LRRC37A2: variants seen among roughly 807,000 people sequenced by gnomAD.
The protein encoded by LRRC37A2 is leucine rich repeat containing 37 member A2.
LRRC37A2 carries 9 observed loss-of-function variants against 68.8 expected under a neutral mutation model. The observed-to-expected ratio is 0.13, with a 90% CI of 0.08 to 0.23. The LOEUF is 0.23. LRRC37A2 is among the 10% of genes least tolerant of loss of function. The pLI is 1.00. For missense variants in LRRC37A2, 168 were observed against 950.4 expected (o/e 0.18, Z 10.82); for synonymous variants, 63 against 367.6 (o/e 0.17, Z 9.48).
the LRRC37A2 span, among the ~76,000 whole-genome samples, chr17:46,656,958 C>CAAA: frequency 4.7e-4 from 1 of 2,146 alleles, no homozygotes; most frequent in African/African-American, 5.2e-4. Flanking sequence ...TACATAGAAC[C>CAAA]AAAAAAAAAA....
At chr17:46,855,879 A>G in the LRRC37A2 span, among the ~76,000 whole-genome samples, 1 of 152,032 alleles carries the variant, frequency 6.6e-6, no homozygotes, top group Non-Finnish European at 1.5e-5. Flanking sequence ...TTGTATTTTT[A>G]GTAGAGACCA....
chr17:46,588,735 T>C, the LRRC37A2 span, among the ~76,000 whole-genome samples: 4 of 59,968 alleles, frequency 6.7e-5, 2 homozygotes, highest in African/African-American at 2.9e-4. Context: ...TATTTAATTA[T>C]ACCTCTCACT....
the LRRC37A2 span, among the ~76,000 whole-genome samples, chr17:46,902,799 T>C: frequency 6.6e-6 from 1 of 152,154 alleles, no homozygotes; most frequent in Admixed American, 6.5e-5. Context: ...TTTGATCAGA[T>C]ACCCGTTCTC....
the LRRC37A2 span, among the ~76,000 whole-genome samples, chr17:46,788,582 AT>A: frequency 1.3e-5 from 2 of 152,108 alleles, no homozygotes; most frequent in Non-Finnish European, 2.9e-5. Flanking sequence ...CCCTCTGGCC[AT>A]TTCCCCAGCT....
the LRRC37A2 span, among the ~76,000 whole-genome samples, chr17:46,816,555 C>A: frequency 3.9e-5 from 6 of 151,938 alleles, no homozygotes; most frequent in Admixed American, 1.3e-4. Flanking sequence ...TTCCTGTCCC[C>A]CACCAAATTC....
the LRRC37A2 span, chr17:46,931,581 A>G: frequency 6.3e-6 from 2 of 317,958 alleles, no homozygotes; most frequent in Non-Finnish European, 1.2e-5. Context: ...CACTTCAATC[A>G]GTCCACCCAT....
the LRRC37A2 span, chr17:46,932,699 C>G: frequency 4.7e-6 from 1 of 214,722 alleles, no homozygotes; most frequent in African/African-American, 2.3e-5. Context: ...GTTAGATGGA[C>G]TGCTTGCCTG....
the LRRC37A2 span, chr17:46,929,794 C>CTA: frequency 1.8e-6 from 1 of 550,480 alleles, no homozygotes; most frequent in Admixed American, 3.0e-5. Flanking sequence ...CCCCATTACC[C>CTA]CTCCACTCAA....
chr17:46,835,125 GCTGGCA>G, the LRRC37A2 span, among the ~76,000 whole-genome samples: 1 of 152,296 alleles, frequency 6.6e-6, no homozygotes, highest in South Asian at 2.1e-4. Context: ...CTCCTGAGTA[GCTGGCA>G]CTACAGGAAC....
the LRRC37A2 span, chr17:46,714,063 C>G: frequency 3.5e-6 from 5 of 1,418,980 alleles, no homozygotes; most frequent in South Asian, 7.4e-5. Context: ...TGCCTTTGTA[C>G]ATGTATACAT....
the LRRC37A2 span, chr17:46,938,927 G>T: frequency 6.6e-7 from 1 of 1,509,580 alleles, no homozygotes; most frequent in South Asian, 1.2e-5. Context: ...TCTGTTTTCT[G>T]TGACATCTTG....
chr17:46,810,053 C>T, the LRRC37A2 span, among the ~76,000 whole-genome samples: 1 of 142,566 alleles, frequency 7.0e-6, no homozygotes, highest in Non-Finnish European at 1.5e-5. Flanking sequence ...GTTGCCCAGG[C>T]TGGAAGGCAG....
the LRRC37A2 span, chr17:46,938,962 T>C: frequency 6.9e-7 from 1 of 1,456,460 alleles, no homozygotes; most frequent in Non-Finnish European, 9.1e-7. Flanking sequence ...GCCACCACCA[T>C]GCGCGGTGCT....
the LRRC37A2 span, among the ~76,000 whole-genome samples, chr17:46,873,444 C>T: frequency 6.6e-6 from 1 of 152,070 alleles, no homozygotes; most frequent in Non-Finnish European, 1.5e-5. Context: ...CCATGTGACT[C>T]CCTTGCCAAG....
chr17:46,773,622 C>A, the LRRC37A2 span: 1 of 506,088 alleles, frequency 2.0e-6, no homozygotes, highest in Non-Finnish European at 3.7e-6. Flanking sequence ...GTCCTGATCC[C>A]TCCCCCCACC....
At chr17:46,894,933 C>T in the LRRC37A2 span, among the ~76,000 whole-genome samples, 1 of 152,238 alleles carries the variant, frequency 6.6e-6, no homozygotes, top group Non-Finnish European at 1.5e-5. Context: ...GGGTCATTAG[C>T]GGGGCCTCCC....
the LRRC37A2 span, chr17:46,768,915 G>A: frequency 6.9e-7 from 1 of 1,457,274 alleles, no homozygotes; most frequent in African/African-American, 1.4e-5. The surrounding 1 kb of genome is among the most constrained non-coding windows in gnomAD (Gnocchi z 5.0). Context: ...ACTCCTCTGT[G>A]ACAGGAAGAG....
the LRRC37A2 span, among the ~76,000 whole-genome samples, chr17:46,869,975 G>A: frequency 1.3e-3 from 200 of 151,758 alleles, 4 homozygotes; most frequent in Middle Eastern, 0.017. Context: ...CTCTAGCCTG[G>A]ACCACATAGC....
At chr17:46,911,310 C>T in the LRRC37A2 span, 1 of 152,166 alleles carries the variant, frequency 6.6e-6, no homozygotes, top group Non-Finnish European at 1.5e-5. Flanking sequence ...TCTTAATGGT[C>T]CAGGAAAATG....
Sources: allele counts gnomAD v4.1 joint callset (sites outside exome capture counted in the v4.1 genomes callset), GRCh38; gene constraint gnomAD v4.1.1; non-coding constraint Gnocchi (gnomAD v3.1); transcripts MANE v1.5; gene names NCBI Gene and HGNC (gene_info 2026-07-23, HGNC 2026-07-21).